The following ADCY7 variants were observed in gnomAD, a reference collection of about 807,000 sequenced individuals.
ADCY7 encodes adenylate cyclase type 7.
ADCY7 carries 72 observed loss-of-function variants against 120.6 expected under a neutral mutation model. That is an observed-to-expected ratio of 0.60 (90% CI 0.49 to 0.73). The LOEUF (loss-of-function observed/expected upper bound fraction) is 0.73, where lower values mean the gene tolerates loss of function less well. Ranked by LOEUF, ADCY7 falls within the 30% of genes least tolerant of loss-of-function variation. The pLI, the probability that ADCY7 is intolerant of heterozygous loss-of-function variation, is 0.00. For synonymous variants in ADCY7, 661 were observed against 628.0 expected (o/e 1.05, Z -0.78); for missense variants, 1,227 against 1,486.0 (o/e 0.83, Z 2.87).
intron 21 of ADCY7, 114 bp from the exon 22 acceptor site, chr16:50,312,776 T>A: frequency 1.3e-6 from 1 of 780,106 alleles, no homozygotes; most frequent in South Asian, 2.0e-5. Flanking sequence ...CCCTCCCCAC[T>A]CCCCGAAAGC....
chr16:50,315,280 C>G lies in ADCY7; in HGVS notation c.3097-79C>G, dbSNP rs1597005282. ...TCTCCAGGGAAGGCAGACTGCATGC[C>G]TGGGCAGTCTCTATCTGTCCCTACC... On this transcript the variant is annotated intron_variant, in intron 25 of 25. Coordinates refer to ENST00000673801, the MANE Select transcript of ADCY7 (RefSeq NM_001114.5). 5.1e-6 allele frequency: 8 copies of G among 1,566,846 alleles called. No individual in the cohort carries two copies. The South Asian group carries it at 9.5e-5, about 19-fold the overall frequency.
intron 22 of ADCY7, 97 bp from the exon 23 acceptor site, chr16:50,313,861 T>C (rs927807838): frequency 1.2e-5 from 11 of 933,992 alleles, no homozygotes; most frequent in Non-Finnish European, 1.9e-5. Flanking sequence ...GAGGCGGCGA[T>C]GGGTGGAGGG....
chr16:50,305,713 C>A, intron 13 of ADCY7, 64 bp from the exon 14 acceptor site: 1 of 1,514,760 alleles, frequency 6.6e-7, no homozygotes, highest in Non-Finnish European at 9.2e-7. Context: ...CTGCCTGCTG[C>A]CACCTCCTGA....
Position 50,301,083 on chromosome 16 carries a change from C to G in ADCY7, c.1237C>G (p.Arg413Gly). The change falls in exon 10 of 26, where the codon CGG (arginine) becomes GGG (glycine). Residue 413 changes from arginine to glycine, a missense_variant and splice_region_variant. Transcript: ENST00000673801. ...NRMEAAGVPG[R>G]VHITEATLKH... The stretch of plus-strand genomic sequence containing the variant: ...CTGCCTGACTTGGGTCTCCCGTAGC[C>G]GGGTGCACATCACGGAGGCCACGCT... The G allele has an allele frequency of 1.9e-6, 3 of 1,613,328 alleles. No individual in the cohort carries two copies. The highest frequency in any genetic ancestry group is 2.5e-6 in the Non-Finnish European group (3 of 1,179,686).
chr16:50,274,011 G>C (rs2033722473), intron 1 of ADCY7: 1 of 152,452 alleles, frequency 6.6e-6, no homozygotes, highest in African/African-American at 2.4e-5. Context: ...TGGCAGCTCA[G>C]GTTGGCCCTG....
At chr16:50,253,135 C>T (rs1384546503) in intron 1 of ADCY7, among the ~76,000 whole-genome samples, 1 of 152,192 alleles carries the variant, frequency 6.6e-6, no homozygotes, top group African/African-American at 2.4e-5. Context: ...GCAGACATTT[C>T]GGTTGTTTCC....
intron 2 of ADCY7, among the ~76,000 whole-genome samples, chr16:50,290,013 C>T (rs1450955855): frequency 6.6e-6 from 1 of 152,224 alleles, no homozygotes; most frequent in Non-Finnish European, 1.5e-5. Context: ...CTCAGCTCCT[C>T]CCCTGTGGGA....
intron 10 of ADCY7, among the ~76,000 whole-genome samples, chr16:50,303,033 G>A (rs373004616): frequency 6.6e-6 from 1 of 152,256 alleles, no homozygotes; most frequent in Non-Finnish European, 1.5e-5. Context: ...GTAGGCATGT[G>A]TTTGCTCAGA....
At position 50,315,696 on chromosome 16, in the gene ADCY7, C is replaced by CATA; in HGVS notation, c.*194_*196dup. ...TTCTGGCTCGAAGCAGCCACTGAGCCATAATGCGCAGGGGAGGCCAGAAGC... is the reference window on the plus strand; with the variant it reads ...TTCTGGCTCGAAGCAGCCACTGAGCCATAATAATGCGCAGGGGAGGCCAGAAGC... On this transcript the variant is annotated 3_prime_UTR_variant, in exon 26 of 26. Transcript: ENST00000673801. 1 of 666,414 alleles carries CATA rather than the reference C, an allele frequency of 1.5e-6. No homozygotes were observed. Among genetic ancestry groups the CATA allele is most frequent in the Non-Finnish European group, 2.5e-6 (1 of 407,622 alleles). 41.3% of individuals were successfully genotyped at this position (666,414 alleles called of 1,614,324 possible). A position where few individuals can be genotyped will look rare whatever the true frequency, so the allele number is the denominator to read the frequency against.
At chr16:50,270,739 T>G (rs1207728745) in intron 1 of ADCY7, among the ~76,000 whole-genome samples, 2 of 152,208 alleles carry the variant, frequency 1.3e-5, no homozygotes, top group Non-Finnish European at 2.9e-5. Flanking sequence ...TTTCTGTTCC[T>G]CAGTTTCCTT....
At chr16:50,311,904 G>A in intron 20 of ADCY7, 118 bp downstream of exon 20, 5 of 1,467,396 alleles carry the variant, frequency 3.4e-6, no homozygotes, top group South Asian at 2.4e-5. Flanking sequence ...CTAGAGTCCT[G>A]CCAGGAAAGC....
At chr16:50,311,364 C>G (rs749262095) in intron 19 of ADCY7, among the ~76,000 whole-genome samples, 1 of 152,168 alleles carries the variant, frequency 6.6e-6, no homozygotes, top group Non-Finnish European at 1.5e-5. Context: ...CTGCCCCGCA[C>G]CTGCAAAATC....
chr16:50,300,442 C>T (rs969670379), intron 8 of ADCY7, among the ~76,000 whole-genome samples: 44 of 152,338 alleles, frequency 2.9e-4, no homozygotes, highest in Non-Finnish European at 5.9e-5. Flanking sequence ...ATTTTAGGTC[C>T]ATCAACATGG....
chr16:50,314,951 C>T, intron 24 of ADCY7, 63 bp from the exon 25 acceptor site: 1 of 1,599,684 alleles, frequency 6.3e-7, no homozygotes, highest in Non-Finnish European at 8.5e-7. Flanking sequence ...CTCTGGCCTC[C>T]TCTAAGGGCA....
intron 1 of ADCY7, among the ~76,000 whole-genome samples, chr16:50,270,895 C>T (rs1047244919): frequency 3.3e-5 from 5 of 152,156 alleles, no homozygotes; most frequent in Admixed American, 2.0e-4. Flanking sequence ...CTGTGTGTGC[C>T]GGGGATCCCG....
rs1271892175 is a variant in ADCY7 at position 50,297,965 on chromosome 16, C to T, written c.949-939C>T. Among the ~76,000 whole-genome samples, 2 of 152,006 alleles carry T rather than the reference C, an allele frequency of 1.3e-5. No homozygotes were observed. Among genetic ancestry groups the T allele is most frequent in the Non-Finnish European group, 2.9e-5 (2 of 67,972 alleles). On this transcript the variant is annotated intron_variant, in intron 7 of 25. Coordinates refer to ENST00000673801, the MANE Select transcript of ADCY7 (RefSeq NM_001114.5). This position sits in a 1 kb window ranked among gnomAD's most constrained non-coding sequence, Gnocchi z 4.4. ...CCCATGAGGCCTCGGTGCATGTGGC[C>T]ACCCTTGCTGAGGGCTTAAGGAGGG...
rs181630880 is a variant in ADCY7, at chr16:50,297,097, C to T, written c.949-1807C>T. ...TTCCCTCTCCAGCAGGCCCAGGAGG[C>T]GTGGCCCTATTGCACAGATGGGGAA... On this transcript the variant is annotated intron_variant, in intron 7 of 25. Transcript: ENST00000673801. This position sits in a 1 kb window ranked among gnomAD's most constrained non-coding sequence, Gnocchi z 4.4. Among the ~76,000 whole-genome samples the T allele has an allele frequency of 3.9e-5, 6 of 152,364 alleles. No individual in the cohort carries two copies. Among genetic ancestry groups the T allele is most frequent in the East Asian group, 1.9e-4 (1 of 5,182 alleles).
In ADCY7 at chr16:50,310,753, C is replaced by G; in HGVS notation, c.2227C>G (p.Pro743Ala). 2 of 1,614,160 alleles carry G rather than the reference C, an allele frequency of 1.2e-6. No individual in the cohort carries two copies. Among genetic ancestry groups the G allele is most frequent in the Non-Finnish European group, 1.7e-6 (2 of 1,180,010 alleles). Residue 743 changes from proline (P) to alanine (A), a missense_variant, in exon 19 of 26, where the codon CCA becomes GCA. By Grantham distance (27) the Pro-to-Ala change is conservative. This residue lies in a region of ADCY7 where 267 missense variants were observed against 270.0 expected (regional missense o/e 0.99). Transcript: ENST00000673801. ...CSVFLRMSLEPKVVLLTVALV... is the reference protein window; with the variant it reads ...CSVFLRMSLEAKVVLLTVALV... ...GGTCTTCCTGAGGATGAGCCTGGAG[C>G]CAAAGGTTGTGCTGCTGACAGTGGC...
chr16:50,290,827 G>A (rs1416665087), intron 3 of ADCY7, among the ~76,000 whole-genome samples, 167 bp downstream of exon 3: 2 of 152,224 alleles, frequency 1.3e-5, no homozygotes, highest in Non-Finnish European at 2.9e-5. Flanking sequence ...GGGCTGAGGT[G>A]GGGAGAGCAT....
Sources: allele counts gnomAD v4.1 joint callset (sites outside exome capture counted in the v4.1 genomes callset), GRCh38; gene constraint gnomAD v4.1.1; regional missense constraint gnomAD v4.1.1; non-coding constraint Gnocchi (gnomAD v3.1); transcripts MANE v1.5; gene names NCBI Gene and HGNC (gene_info 2026-07-23, HGNC 2026-07-21).